The following ATP10A variants were observed in gnomAD, a reference collection of about 807,000 sequenced individuals.
ATP10A encodes ATPase phospholipid transporting 10A (putative), also known as phospholipid-transporting ATPase VA.
A neutral mutation model predicts 147.8 loss-of-function variants in ATP10A; 111 were observed. The observed-to-expected ratio is 0.75, with a 90% CI of 0.64 to 0.88. ATP10A has a LOEUF of 0.88. ATP10A is among the 40% of genes least tolerant of loss of function. The pLI is 0.00. For synonymous variants in ATP10A, 875 were observed against 841.6 expected, an observed-to-expected ratio of 1.04 and a Z score of -0.69; for missense variants, 1,927 against 1,959.0, an observed-to-expected ratio of 0.98 and a Z score of 0.31.
intron 1 of ATP10A, among the ~76,000 whole-genome samples, chr15:25,831,940 TC>T (rs1439516013): frequency 6.6e-6 from 1 of 152,232 alleles, no homozygotes; most frequent in East Asian, 1.9e-4. Context: ...ATCTGGAACC[TC>T]TGAATGTCAC....
chr15:25,687,769 A>T lies in ATP10A; in HGVS notation c.3225T>A (p.Ile1075=). The change falls in exon 16 of 21, where the codon ATT becomes ATA. Residue 1075 remains isoleucine, a synonymous_variant. Coordinates refer to ENST00000555815, the MANE Select transcript of ATP10A (RefSeq NM_024490.4). ...PKFRYLERLL[I]LHGHWCYSRL... is the part of the protein sequence containing the mutation. The stretch of plus-strand genomic sequence containing the variant: ...GGGAGTAGCACCAATGCCCGTGAAG[A>T]ATCAAGAGCCTCTCCAGGTATCGGA... The T allele has an allele frequency of 1.2e-6, 2 of 1,613,720 alleles. No individual in the cohort carries two copies. Among genetic ancestry groups the T allele is most frequent in the Non-Finnish European group, 1.7e-6 (2 of 1,179,692 alleles).
intron 2 of ATP10A, among the ~76,000 whole-genome samples, chr15:25,769,811 G>A (rs748400923): frequency 1.3e-5 from 2 of 152,154 alleles, no homozygotes; most frequent in South Asian, 2.1e-4. Context: ...AGATTCATGC[G>A]TTCAAATCCT....
At position 25,680,858 on chromosome 15, in the gene ATP10A, G is replaced by A. The variant is rs139638339; in HGVS notation, c.3630C>T (p.Ile1210=). The A allele has an allele frequency of 2.0e-4, 323 of 1,614,044 alleles. 1 individual carries two copies. The highest frequency in any genetic ancestry group is 1.5e-3 in the Middle Eastern group (9 of 6,002). ...LFTWGTPIVT[I]ALLTFLLHLG... is the part of the protein sequence containing the mutation. ...GGTGGAGCAGGAAAGTGAGCAGCGC[G>A]ATTGTCACAATAGGGGTCCCCCAGG... The change falls in exon 19 of 21, where the codon ATC becomes ATT. Residue 1210 remains isoleucine, a synonymous_variant. Transcript: ENST00000555815.
At chr15:25,788,893 C>T (rs546739936) in intron 1 of ATP10A, among the ~76,000 whole-genome samples, 69 of 152,292 alleles carry the variant, frequency 4.5e-4, no homozygotes, top group African/African-American at 1.6e-3. Context: ...GTGTTACATT[C>T]GACTAAACCT....
At chr15:25,806,185 C>T (rs955519065) in intron 1 of ATP10A, among the ~76,000 whole-genome samples, 2 of 152,170 alleles carry the variant, frequency 1.3e-5, no homozygotes, top group African/African-American at 4.8e-5. Context: ...CTCTCTGCCA[C>T]CCTGAGGCAG....
intron 2 of ATP10A, among the ~76,000 whole-genome samples, chr15:25,745,287 A>T (rs1887788297): frequency 6.6e-6 from 1 of 152,094 alleles, no homozygotes; most frequent in African/African-American, 2.4e-5. Flanking sequence ...CAGGAGGCGG[A>T]GGCTGCAGTA....
intron 1 of ATP10A, among the ~76,000 whole-genome samples, chr15:25,811,550 A>G (rs1047207469): frequency 1.3e-5 from 2 of 152,160 alleles, no homozygotes; most frequent in East Asian, 1.9e-4. Context: ...CATCCAACGC[A>G]GCTCTTGTTA....
chr15:25,713,753 G>A lies in ATP10A; in HGVS notation c.2265C>T (p.His755=), dbSNP rs929749131. 6.2e-7 allele frequency: 1 copy of A among 1,614,102 alleles called. No individual in the cohort carries two copies. The highest frequency in any genetic ancestry group is 8.5e-7 in the Non-Finnish European group (1 of 1,180,020). ...AGACGTTGATCTCATCGGTAAGCGGGTGCCGGATCACCACTGACATCCTCT... is the reference window on the plus strand; with the variant it reads ...AGACGTTGATCTCATCGGTAAGCGGATGCCGGATCACCACTGACATCCTCT... ...VRKRMSVVIR[H]PLTDEINVYT... is the part of the protein sequence containing the mutation. Residue 755 remains histidine, a synonymous_variant, in exon 10 of 21, where the codon CAC becomes CAT. Coordinates refer to ENST00000555815, the MANE Select transcript of ATP10A (RefSeq NM_024490.4).
chr15:25,745,352 C>CA (rs1046977545), intron 2 of ATP10A, among the ~76,000 whole-genome samples: 1,310 of 118,372 alleles, frequency 0.011, 9 homozygotes, highest in African/African-American at 0.033. Context: ...GAATCCGTCT[C>CA]AAAAAAAAAA....
At chr15:25,754,057 C>A (rs146967208) in intron 2 of ATP10A, among the ~76,000 whole-genome samples, 1 of 152,286 alleles carries the variant, frequency 6.6e-6, no homozygotes, top group Non-Finnish European at 1.5e-5. Flanking sequence ...GCATCGGCCT[C>A]CCAAAGTGAT....
intron 2 of ATP10A, among the ~76,000 whole-genome samples, chr15:25,738,034 C>G (rs187204941): frequency 6.6e-6 from 1 of 152,208 alleles, no homozygotes; most frequent in Non-Finnish European, 1.5e-5. Context: ...TAAACGAATA[C>G]AGAGACCATC....
At chr15:25,803,207 C>T (rs1455880032) in intron 1 of ATP10A, among the ~76,000 whole-genome samples, 1 of 152,200 alleles carries the variant, frequency 6.6e-6, no homozygotes, top group African/African-American at 2.4e-5. Context: ...TGTGCTGGTG[C>T]CTCCTTCCCT....
chr15:25,765,114 G>A (rs1017962844), intron 2 of ATP10A, among the ~76,000 whole-genome samples: 1 of 152,134 alleles, frequency 6.6e-6, no homozygotes, highest in African/African-American at 2.4e-5. Flanking sequence ...AAGGATCTCT[G>A]GGGAGCACCA....
intron 1 of ATP10A, among the ~76,000 whole-genome samples, chr15:25,842,873 C>T (rs1892865902): frequency 6.6e-6 from 1 of 152,138 alleles, no homozygotes; most frequent in African/African-American, 2.4e-5. Context: ...ATCACCACAA[C>T]TGGCTATTTA....
Position 25,701,907 on chromosome 15 carries a change from C to T in ATP10A, c.2760+9G>A, listed in dbSNP as rs779134775. On this transcript the variant is annotated intron_variant, in intron 13 of 20. Transcript: ENST00000555815. ...GGGAAGGAAGCGGAGCCACTTGAAA[C>T]CCACCTACCTGGGAGGTGGCATTCA... is the stretch of plus-strand genomic sequence containing the variant. 2.9e-5 allele frequency: 46 copies of T among 1,585,576 alleles called. No homozygotes were observed. The highest frequency in any genetic ancestry group is 2.3e-4 in the South Asian group (20 of 86,918).
chr15:25,725,674 A>C (rs1596764487), intron 5 of ATP10A, among the ~76,000 whole-genome samples: 1 of 149,008 alleles, frequency 6.7e-6, no homozygotes, highest in Non-Finnish European at 1.5e-5. Context: ...TCACTCTCTC[A>C]CCCAGGCTGG....
intron 1 of ATP10A, among the ~76,000 whole-genome samples, chr15:25,786,016 A>G (rs1890142433): frequency 6.6e-6 from 1 of 152,376 alleles, no homozygotes; most frequent in Admixed American, 6.5e-5. Flanking sequence ...GGTCTTAAGC[A>G]CAGAGGTGAC....
downstream of ATP10A, chr15:25,677,821 A>G (rs1440971691): frequency 1.3e-5 from 2 of 152,300 alleles, no homozygotes; most frequent in African/African-American, 4.8e-5. Flanking sequence ...TCCCAGCTCC[A>G]GCTGGGAGTC....
intron 2 of ATP10A, among the ~76,000 whole-genome samples, chr15:25,766,807 T>A (rs868670969): frequency 4.6e-5 from 7 of 150,718 alleles, no homozygotes; most frequent in Middle Eastern, 3.4e-3. Flanking sequence ...CCACGGGGAC[T>A]AGAGCTGCAG....
Sources: allele counts gnomAD v4.1 joint callset (sites outside exome capture counted in the v4.1 genomes callset), GRCh38; gene constraint gnomAD v4.1.1; transcripts MANE v1.5; gene names NCBI Gene and HGNC (gene_info 2026-07-23, HGNC 2026-07-21).